Variants in RGS7 observed in about 807,000 individuals in gnomAD.
RGS7 encodes regulator of G protein signaling 7.
In RGS7, 27 loss-of-function variants were observed where a neutral mutation model predicts 81.1. The ratio of observed to expected loss-of-function variants is 0.33; its 90% confidence interval spans 0.25 to 0.46. The LOEUF (loss-of-function observed/expected upper bound fraction) is 0.46, where lower values mean the gene tolerates loss of function less well. Ranked by LOEUF, RGS7 falls within the 20% of genes least tolerant of loss-of-function variation. The pLI is 1.00. For synonymous variants in RGS7, 208 were observed against 207.7 expected (o/e 1.00, Z -0.01); for missense variants, 396 against 607.4 (o/e 0.65, Z 3.66).
intron 2 of RGS7, among the ~76,000 whole-genome samples, chr1:241,304,584 G>A (rs1306191561): frequency 6.6e-6 from 1 of 152,190 alleles, no homozygotes; most frequent in East Asian, 1.9e-4. Flanking sequence ...CAGCAGGAGG[G>A]TGAGGTAGGG....
chr1:241,162,439 T>C (rs537612962), intron 2 of RGS7, among the ~76,000 whole-genome samples: 2 of 152,188 alleles, frequency 1.3e-5, no homozygotes, highest in East Asian at 3.9e-4. Context: ...GACAGCCCGC[T>C]CCGAAGGAAG....
intron 2 of RGS7, among the ~76,000 whole-genome samples, chr1:241,273,466 T>C (rs1201944740): frequency 6.6e-6 from 1 of 151,952 alleles, no homozygotes; most frequent in Non-Finnish European, 1.5e-5. Context: ...GAGATGGAGT[T>C]CTCAGGGAAT....
chr1:241,296,909 A>G (rs961168504), intron 2 of RGS7, among the ~76,000 whole-genome samples: 2 of 151,906 alleles, frequency 1.3e-5, no homozygotes, highest in Non-Finnish European at 2.9e-5. Context: ...ATCAAGTCCA[A>G]TTGAATTTGT....
chr1:240,894,510 C>G (rs942466382), intron 6 of RGS7, among the ~76,000 whole-genome samples: 1 of 151,966 alleles, frequency 6.6e-6, no homozygotes, highest in Non-Finnish European at 1.5e-5. Flanking sequence ...GTGCAGCATT[C>G]TAGATCTTTC....
intron 2 of RGS7, among the ~76,000 whole-genome samples, chr1:241,226,009 G>A (rs906843000): frequency 6.6e-6 from 1 of 152,270 alleles, no homozygotes; most frequent in South Asian, 2.1e-4. Flanking sequence ...GGAGCCAGGA[G>A]AAAGTTTACA....
Position 241,320,065 on chromosome 1 carries a change from T to C in RGS7, c.78+35634A>G, listed in dbSNP as rs751336141. Among the ~76,000 whole-genome samples, 85 of 152,156 alleles carry C rather than the reference T, an allele frequency of 5.6e-4. 1 individual carries two copies. Among genetic ancestry groups the C allele is most frequent in the Admixed American group, 7.9e-4 (12 of 15,272 alleles). On this transcript the variant is annotated intron_variant, in intron 2 of 18. Transcript: ENST00000440928. ...GAGATTGTGCCACTGCACTCCAGCC[T>C]GGGCAACAGAGCGAGACTCCACGTA...
chr1:240,998,493 C>A, intron 3 of RGS7: 1 of 1,042,286 alleles, frequency 9.6e-7, no homozygotes, highest in Non-Finnish European at 1.5e-6. Context: ...TTCTCGGATT[C>A]TTCTTTCTTT....
At chr1:240,891,001 A>G (rs547828343) in intron 6 of RGS7, among the ~76,000 whole-genome samples, 11 of 152,334 alleles carry the variant, frequency 7.2e-5, no homozygotes, top group Admixed American at 5.2e-4. Flanking sequence ...GAGTGCAAGG[A>G]AAGGATAGTG....
At position 241,151,565 on chromosome 1, in the gene RGS7, C is replaced by CTTTTTTT. The variant is rs58097674; in HGVS notation, c.79-52810_79-52804dup. 3.1e-3 allele frequency among the ~76,000 whole-genome samples: 363 copies of CTTTTTTT among 116,416 alleles called. 3 individuals are homozygous for CTTTTTTT. The highest frequency in any genetic ancestry group is 0.012 in the African/African-American group (349 of 30,122). 76.4% of individuals were successfully genotyped at this position (116,416 alleles called of 152,430 possible). The stretch of plus-strand genomic sequence containing the variant: ...GAACTGACAGGATGGATTAGGAACT[C>CTTTTTTT]TTTTTTTTTTTTTTTTTTTTTTACT... On this transcript the variant is annotated intron_variant, in intron 2 of 18. Transcript: ENST00000440928.
At chr1:240,828,938 TTGGGG>T (rs2147806285) in intron 9 of RGS7, among the ~76,000 whole-genome samples, 1 of 151,726 alleles carries the variant, frequency 6.6e-6, no homozygotes, top group East Asian at 1.9e-4. Context: ...TTCCGTGGAG[TTGGGG>T]TGGGGTTGGG....
At chr1:240,919,517 C>CA (rs1673149972) in intron 6 of RGS7, 1 of 180,176 alleles carries the variant, frequency 5.6e-6, no homozygotes, top group African/African-American at 2.4e-5. Flanking sequence ...TTGCCAAAAT[C>CA]TAGCACCAGT....
chr1:241,215,916 G>A (rs1390865784), intron 2 of RGS7, among the ~76,000 whole-genome samples: 1 of 152,194 alleles, frequency 6.6e-6, no homozygotes, highest in African/African-American at 2.4e-5. Flanking sequence ...GTGTAACCAT[G>A]AGTGAACAAA....
intron 9 of RGS7, among the ~76,000 whole-genome samples, chr1:240,865,865 T>C (rs1663144787): frequency 6.6e-6 from 1 of 152,168 alleles, no homozygotes; most frequent in Non-Finnish European, 1.5e-5. Flanking sequence ...AGAGCTTATG[T>C]GTTTGGCTGA....
At chr1:241,267,028 C>T (rs1172744561) in intron 2 of RGS7, among the ~76,000 whole-genome samples, 5 of 152,128 alleles carry the variant, frequency 3.3e-5, no homozygotes, top group African/African-American at 9.7e-5. Context: ...CCTACAAATC[C>T]GGAAATCATT....
intron 3 of RGS7, among the ~76,000 whole-genome samples, chr1:241,077,022 G>A (rs2062842856): frequency 6.6e-6 from 1 of 152,104 alleles, no homozygotes; most frequent in African/African-American, 2.4e-5. Context: ...TCGCTTTTCT[G>A]CCTCTCCCTG....
intron 9 of RGS7, among the ~76,000 whole-genome samples, chr1:240,846,470 G>A (rs1287962239): frequency 6.6e-6 from 1 of 152,064 alleles, no homozygotes; most frequent in Admixed American, 6.5e-5. Flanking sequence ...CTGCTTACAG[G>A]TTACTGTAAG....
At position 241,120,427 on chromosome 1, in the gene RGS7, C is replaced by T. The variant is rs12032325; in HGVS notation, c.79-21665G>A. Among the ~76,000 whole-genome samples, 3,665 of 152,186 alleles carry T rather than the reference C, an allele frequency of 0.024. 244 individuals carry two copies. In the East Asian group the frequency reaches 0.25, roughly 10 times the overall value. ...CAGTGGCACTATCACAGTTCACTAC[C>T]GCCTGGAACTCCAGGGTTCAAGCAA... On this transcript the variant is annotated intron_variant, in intron 2 of 18. Coordinates refer to ENST00000440928, the MANE Select transcript of RGS7 (RefSeq NM_001364886.1).
At chr1:241,020,209 G>A (rs2059470946) in intron 3 of RGS7, among the ~76,000 whole-genome samples, 1 of 152,174 alleles carries the variant, frequency 6.6e-6, no homozygotes, top group Non-Finnish European at 1.5e-5. Flanking sequence ...GGCTCAGTCA[G>A]TGCTATTTGT....
At chr1:240,807,568 TGATTTTTG>T in intron 14 of RGS7, among the ~76,000 whole-genome samples, 1 of 152,214 alleles carries the variant, frequency 6.6e-6, no homozygotes. Context: ...CTCAGTCTAG[TGATTTTTG>T]AGTTTTCATT....
Sources: allele counts gnomAD v4.1 joint callset (sites outside exome capture counted in the v4.1 genomes callset), GRCh38; gene constraint gnomAD v4.1.1; transcripts MANE v1.5; gene names NCBI Gene and HGNC (gene_info 2026-07-23, HGNC 2026-07-21).